Variants in RNGTT observed in about 807,000 individuals in gnomAD.
RNGTT encodes mRNA-capping enzyme.
In RNGTT, 33 loss-of-function variants were observed where a neutral mutation model predicts 79.3. That is an observed-to-expected ratio of 0.42 (90% CI 0.32 to 0.56). The LOEUF (loss-of-function observed/expected upper bound fraction) is 0.56, where lower values mean the gene tolerates loss of function less well. Among genes scored for constraint, RNGTT ranks in the 20% least tolerant of loss-of-function variants. RNGTT has a pLI of 0.17. For missense variants in RNGTT, 497 were observed against 739.1 expected (o/e 0.67, Z 3.80); for synonymous variants, 222 against 235.9 (o/e 0.94, Z 0.54).
chr6:88,839,350 C>A (rs1310050686), intron 11 of RNGTT, among the ~76,000 whole-genome samples: 1 of 152,016 alleles, frequency 6.6e-6, no homozygotes, highest in African/African-American at 2.4e-5. Context: ...GCAGGCAGAT[C>A]GTTTGAGCCC....
intron 14 of RNGTT, among the ~76,000 whole-genome samples, chr6:88,642,817 A>G (rs1456169690): frequency 6.6e-6 from 1 of 152,216 alleles, no homozygotes; most frequent in African/African-American, 2.4e-5. Context: ...GTGCTCAATA[A>G]AAATGATTTA....
At position 88,865,029 on chromosome 6, in the gene RNGTT, G is replaced by T. The variant is rs1010464951; in HGVS notation, c.897-11265C>A. On this transcript the variant is annotated intron_variant, in intron 8 of 15. Transcript: ENST00000369485. ...TGTTGGTGACAGTTGCACACAATAT[G>T]AATGTACTTAATACCACTGAACTGC... Among the ~76,000 whole-genome samples the T allele has an allele frequency of 2.0e-5, 3 of 152,040 alleles. No homozygotes were observed. In the East Asian group the frequency reaches 5.8e-4, roughly 29 times the overall value.
At chr6:88,712,329 A>C (rs116650323) in intron 13 of RNGTT, among the ~76,000 whole-genome samples, 1 of 152,212 alleles carries the variant, frequency 6.6e-6, no homozygotes, top group African/African-American at 2.4e-5. Context: ...TTTTAAAAAT[A>C]GAGTCCCACT....
intron 13 of RNGTT, among the ~76,000 whole-genome samples, 163 bp from the exon 14 acceptor site, chr6:88,678,582 C>A (rs1288767577): frequency 1.3e-5 from 2 of 152,026 alleles, no homozygotes; most frequent in South Asian, 4.2e-4. Context: ...TTATCTTTCA[C>A]ACTATGAGAT....
intron 13 of RNGTT, among the ~76,000 whole-genome samples, chr6:88,690,140 TG>T (rs1170557361): frequency 6.6e-6 from 1 of 152,136 alleles, no homozygotes; most frequent in African/African-American, 2.4e-5. Flanking sequence ...TATCACAGAT[TG>T]GATGAAAGAG....
intron 13 of RNGTT, among the ~76,000 whole-genome samples, chr6:88,724,015 G>A (rs530514173): frequency 3.9e-5 from 6 of 152,136 alleles, no homozygotes; most frequent in South Asian, 2.1e-4. Flanking sequence ...GTGAGCCACC[G>A]CGCTCAGCCG....
At chr6:88,713,404 C>A (rs1436730765) in intron 13 of RNGTT, among the ~76,000 whole-genome samples, 2 of 152,134 alleles carry the variant, frequency 1.3e-5, no homozygotes, top group Non-Finnish European at 2.9e-5. Flanking sequence ...CAATCTGACA[C>A]TGTATTTAGA....
intron 11 of RNGTT, among the ~76,000 whole-genome samples, chr6:88,802,160 C>T (rs1779811149): frequency 6.6e-6 from 1 of 152,154 alleles, no homozygotes; most frequent in African/African-American, 2.4e-5. Flanking sequence ...AACAAACTTG[C>T]TTGGGGGCAA....
chr6:88,927,338 T>A (rs1399400011), intron 4 of RNGTT, among the ~76,000 whole-genome samples: 1 of 151,658 alleles, frequency 6.6e-6, no homozygotes, highest in Non-Finnish European at 1.5e-5. Context: ...ACCAGCCCAG[T>A]CAATATGGTG....
chr6:88,682,051 T>C (rs1430856074), intron 13 of RNGTT, among the ~76,000 whole-genome samples: 1 of 152,152 alleles, frequency 6.6e-6, no homozygotes, highest in Non-Finnish European at 1.5e-5. Flanking sequence ...GAAAAGTTTC[T>C]CATAAAAGAA....
intron 2 of RNGTT, among the ~76,000 whole-genome samples, chr6:88,931,187 TA>T (rs34070183): frequency 0.36 from 36,595 of 101,802 alleles, 5,019 homozygotes; most frequent in Non-Finnish European, 0.4. Flanking sequence ...TATAAAGCTG[TA>T]AAAAAAAAAA....
At chr6:88,760,484 A>G (rs1222159041) in intron 13 of RNGTT, among the ~76,000 whole-genome samples, 1 of 152,186 alleles carries the variant, frequency 6.6e-6, no homozygotes, top group Non-Finnish European at 1.5e-5. Flanking sequence ...TGATGAGAAT[A>G]TTTTCAAATA....
intron 6 of RNGTT, among the ~76,000 whole-genome samples, chr6:88,900,061 C>A (rs759387740): frequency 1.8e-4 from 28 of 151,848 alleles, no homozygotes; most frequent in Non-Finnish European, 3.8e-4. Context: ...GATAACATGA[C>A]CAGAGCCTCA....
chr6:88,663,045 G>C (rs1774249200), intron 14 of RNGTT, among the ~76,000 whole-genome samples: 1 of 152,166 alleles, frequency 6.6e-6, no homozygotes. Flanking sequence ...CTCTGACTTG[G>C]CTCAAATTGC....
At chr6:88,936,856 A>C (rs1328633024) in intron 2 of RNGTT, among the ~76,000 whole-genome samples, 2 of 152,166 alleles carry the variant, frequency 1.3e-5, no homozygotes. Context: ...AAAGTTTGGT[A>C]GAATTTGGTG....
intron 13 of RNGTT, among the ~76,000 whole-genome samples, chr6:88,714,922 C>G (rs1353052702): frequency 6.6e-6 from 1 of 152,138 alleles, no homozygotes; most frequent in Non-Finnish European, 1.5e-5. Flanking sequence ...GGGATGCCCT[C>G]TCTCACCACT....
At chr6:88,779,036 C>T (rs944941191) in intron 12 of RNGTT, among the ~76,000 whole-genome samples, 1 of 152,044 alleles carries the variant, frequency 6.6e-6, no homozygotes, top group Admixed American at 6.5e-5. Flanking sequence ...ATTGTCAACC[C>T]ATTAGTGAAG....
At chr6:88,722,895 TG>T (rs1776752528) in intron 13 of RNGTT, among the ~76,000 whole-genome samples, 1 of 152,210 alleles carries the variant, frequency 6.6e-6, no homozygotes, top group South Asian at 2.1e-4. Flanking sequence ...GTGGTAACGC[TG>T]GTATAAACAA....
intron 13 of RNGTT, among the ~76,000 whole-genome samples, chr6:88,765,708 G>A (rs1307302592): frequency 6.6e-6 from 1 of 152,076 alleles, no homozygotes; most frequent in Non-Finnish European, 1.5e-5. Context: ...ATTTGGTTCT[G>A]GGCAAACTTG....
Sources: gnomAD v4.1 joint callset for allele counts (sites outside exome capture counted in the v4.1 genomes callset) on GRCh38, gnomAD v4.1.1 for gene constraint, MANE v1.5 for transcripts, NCBI Gene and HGNC (gene_info 2026-07-23, HGNC 2026-07-21) for gene names.